REEP3: variants seen among roughly 807,000 people sequenced by gnomAD.
REEP3 encodes receptor expression-enhancing protein 3.
In REEP3, 20 loss-of-function variants were observed where a neutral mutation model predicts 41.3. That is an observed-to-expected ratio of 0.48 (90% CI 0.34 to 0.70). The LOEUF (loss-of-function observed/expected upper bound fraction) is 0.70, where lower values mean the gene tolerates loss of function less well. Ranked by LOEUF, REEP3 falls within the 30% of genes least tolerant of loss-of-function variation. The pLI is 0.01. For synonymous variants in REEP3, 104 were observed against 101.8 expected (o/e 1.02, Z -0.13); for missense variants, 271 against 308.8 (o/e 0.88, Z 0.92).
intron 6 of REEP3, among the ~76,000 whole-genome samples, chr10:63,611,423 A>G (rs1342833697): frequency 6.6e-6 from 1 of 152,262 alleles, no homozygotes. Flanking sequence ...TTCAAGAGCT[A>G]GCTTGTAGGC....
chr10:63,569,488 T>TA (rs1955834033), intron 2 of REEP3, among the ~76,000 whole-genome samples: 1 of 151,562 alleles, frequency 6.6e-6, no homozygotes, highest in African/African-American at 2.4e-5. Context: ...CTTTTTTTTT[T>TA]TTAGGAAAAG....
At chr10:63,579,649 C>T (rs1311348996) in intron 2 of REEP3, among the ~76,000 whole-genome samples, 1 of 152,192 alleles carries the variant, frequency 6.6e-6, no homozygotes, top group Non-Finnish European at 1.5e-5. Flanking sequence ...CACAGTAATA[C>T]TTAAACCTAA....
rs551127004 is a variant in REEP3 at position 63,524,207 on chromosome 10, G to A, written c.32+2630G>A. Among the ~76,000 whole-genome samples the A allele has an allele frequency of 2.1e-5, 3 of 145,452 alleles. No homozygotes were observed. The South Asian group carries it at 6.7e-4, about 32-fold the overall frequency. ...TCTAAACATGAAAGAGCAATCACAG[G>A]ATCTACACAAACTTGGAAACCTTTT... On this transcript the variant is annotated intron_variant, in intron 1 of 7. Coordinates refer to ENST00000373758, the MANE Select transcript of REEP3 (RefSeq NM_001001330.3).
At chr10:63,620,241 A>G (rs943498728) in intron 7 of REEP3, among the ~76,000 whole-genome samples, 1 of 152,174 alleles carries the variant, frequency 6.6e-6, no homozygotes, top group African/African-American at 2.4e-5. Context: ...CCAGCAGTTT[A>G]TATTTAAAAT....
chr10:63,619,204 G>T (rs1275908718), intron 6 of REEP3, among the ~76,000 whole-genome samples: 1 of 152,110 alleles, frequency 6.6e-6, no homozygotes, highest in African/African-American at 2.4e-5. Flanking sequence ...CTTGACAAAA[G>T]ATACGACACA....
intron 5 of REEP3, among the ~76,000 whole-genome samples, chr10:63,608,027 A>T (rs1052582195): frequency 3.3e-5 from 5 of 152,228 alleles, no homozygotes; most frequent in African/African-American, 1.2e-4. Flanking sequence ...GTCATTTGTC[A>T]TCTGTGTGGC....
intron 1 of REEP3, among the ~76,000 whole-genome samples, chr10:63,545,563 C>G (rs1417056179): frequency 6.6e-6 from 1 of 151,810 alleles, no homozygotes; most frequent in Non-Finnish European, 1.5e-5. Context: ...TTAGTAGAGA[C>G]AGGGTTTCAC....
chr10:63,531,867 T>C (rs1955423962), intron 1 of REEP3, among the ~76,000 whole-genome samples: 1 of 152,350 alleles, frequency 6.6e-6, no homozygotes, highest in Non-Finnish European at 1.5e-5. Context: ...GAATATTCTA[T>C]ATAAAAATAC....
In REEP3 at chr10:63,599,251, GC is replaced by G. The variant is rs1286142071; in HGVS notation, c.386del (p.Ala129GlufsTer10). Reference sequence around the variant, plus strand: ...CTTTGGACGGCAAGGTTTAAACCTTGCAGCTACTGCTGCTGTTACTGCAGCA... The same window carrying G: ...CTTTGGACGGCAAGGTTTAAACCTTGAGCTACTGCTGCTGTTACTGCAGCA... ...VNFGRQGLNL[A>X]ATAAVTAAVK... On this transcript the variant is annotated frameshift_variant, in exon 5 of 8. Coordinates refer to ENST00000373758, the MANE Select transcript of REEP3 (RefSeq NM_001001330.3). LOFTEE classifies it high-confidence loss of function. The G allele has an allele frequency of 3.0e-5, 47 of 1,563,896 alleles. No homozygotes were observed. Among genetic ancestry groups the G allele is most frequent in the Non-Finnish European group, 4.0e-5 (46 of 1,155,744 alleles).
rs145919482 is a variant in REEP3 at position 63,564,396 on chromosome 10, G to A, written c.33-1942G>A. 8.5e-5 allele frequency among the ~76,000 whole-genome samples: 13 copies of A among 152,288 alleles called. No homozygotes were observed. The East Asian group carries it at 2.5e-3, about 29-fold the overall frequency. On this transcript the variant is annotated intron_variant, in intron 1 of 7. Transcript: ENST00000373758. ...CCAGCACTTTGGGAGGCTGAGGCAG[G>A]CAGATTGCTTGAGGTCAGGAGTTCG...
At position 63,598,143 on chromosome 10, in the gene REEP3, G is replaced by C. The variant is rs767961271; in HGVS notation, c.302G>C (p.Arg101Thr). ...FLHPLLSSKE[R>T]EIDDYIVQAK... ...CATCCACTTCTTTCTTCAAAGGAAAGGGTAAGATATATAAATTACTTCCGT... is the reference window on the plus strand; with the variant it reads ...CATCCACTTCTTTCTTCAAAGGAAACGGTAAGATATATAAATTACTTCCGT... Residue 101 changes from arginine to threonine, a missense_variant and splice_region_variant, in exon 4 of 8, where the codon AGG becomes ACG. Arg to Thr is a moderately conservative substitution (Grantham distance 71). Coordinates refer to ENST00000373758, the MANE Select transcript of REEP3 (RefSeq NM_001001330.3). 3.2e-6 allele frequency: 5 copies of C among 1,574,232 alleles called. No individual in the cohort carries two copies. Among genetic ancestry groups the C allele is most frequent in the Non-Finnish European group, 4.3e-6 (5 of 1,149,722 alleles).
chr10:63,603,822 G>T (rs1956199012), intron 5 of REEP3, among the ~76,000 whole-genome samples: 1 of 152,108 alleles, frequency 6.6e-6, no homozygotes, highest in African/African-American at 2.4e-5. Context: ...TTTGCCTCAA[G>T]TTATACTGTG....
Position 63,619,741 on chromosome 10 carries a change from A to G in REEP3, c.652A>G (p.Lys218Glu), listed in dbSNP as rs373975658. ...TTCAGATAATGAGATGTTAACACACAAAGGGCTTCGAAGATCGCAAAGCAT... is the reference window on the plus strand; with the variant it reads ...TTCAGATAATGAGATGTTAACACACGAAGGGCTTCGAAGATCGCAAAGCAT... ...PYSDNEMLTHKGLRRSQSMKS... is the reference protein window; with the variant it reads ...PYSDNEMLTHEGLRRSQSMKS... Residue 218 changes from lysine to glutamate, a missense_variant, in exon 7 of 8, where the codon AAA becomes GAA. Transcript: ENST00000373758. 2.4e-5 allele frequency: 38 copies of G among 1,609,664 alleles called. No homozygotes were observed. The highest frequency in any genetic ancestry group is 3.3e-5 in the South Asian group (3 of 89,846).
chr10:63,580,325 G>A (rs191157132), intron 2 of REEP3, among the ~76,000 whole-genome samples: 4 of 152,100 alleles, frequency 2.6e-5, no homozygotes, highest in East Asian at 1.9e-4. Context: ...TTCTAGAGAC[G>A]GGGGTCTCAC....
intron 2 of REEP3, among the ~76,000 whole-genome samples, chr10:63,594,280 C>T (rs551371846): frequency 6.6e-6 from 1 of 151,482 alleles, no homozygotes; most frequent in Non-Finnish European, 1.5e-5. Context: ...CCCAGCTACT[C>T]GGGCAGCTGA....
At chr10:63,539,577 G>C (rs1955508064) in intron 1 of REEP3, among the ~76,000 whole-genome samples, 3 of 152,014 alleles carry the variant, frequency 2.0e-5, no homozygotes, top group South Asian at 2.1e-4. Flanking sequence ...AGTATTTCTT[G>C]AGCCTAGCAG....
chr10:63,592,688 C>T (rs577258382), intron 2 of REEP3, among the ~76,000 whole-genome samples: 4 of 149,634 alleles, frequency 2.7e-5, no homozygotes, highest in Admixed American at 6.7e-5. Flanking sequence ...GTCAGGAGTT[C>T]GAGACCAGTC....
chr10:63,565,823 T>C (rs1460846947), intron 1 of REEP3, among the ~76,000 whole-genome samples: 4 of 152,072 alleles, frequency 2.6e-5, no homozygotes, highest in African/African-American at 9.7e-5. Context: ...GTTTTAGAAG[T>C]CAATTTTTTC....
intron 1 of REEP3, among the ~76,000 whole-genome samples, chr10:63,548,115 G>T (rs767106145): frequency 2.0e-5 from 3 of 152,194 alleles, no homozygotes; most frequent in Non-Finnish European, 2.9e-5. Flanking sequence ...GTTCAGCGGG[G>T]ACTGGAAGTG....
Sources: gnomAD v4.1 joint callset for allele counts (sites outside exome capture counted in the v4.1 genomes callset) on GRCh38, gnomAD v4.1.1 for gene constraint, MANE v1.5 for transcripts, NCBI Gene and HGNC (gene_info 2026-07-23, HGNC 2026-07-21) for gene names.